Variants in TRMT13 observed in about 807,000 individuals in gnomAD.
TRMT13 encodes the protein tRNA methyltransferase 13.
Under a neutral mutation model 55.9 loss-of-function variants are expected in TRMT13, and 45 were observed. That is an observed-to-expected ratio of 0.80 (90% CI 0.63 to 1.03). The LOEUF (loss-of-function observed/expected upper bound fraction) is 1.03. TRMT13 is among the 50% of genes least tolerant of loss of function. The pLI is 0.00. For missense variants in TRMT13, 513 were observed against 563.9 expected (o/e 0.91, Z 0.91); for synonymous variants, 183 against 196.3 (o/e 0.93, Z 0.57).
chr1:100,140,457 C>T lies in TRMT13; in HGVS notation c.444C>T (p.His148=), dbSNP rs370753617. 1.6e-5 allele frequency: 26 copies of T among 1,613,898 alleles called. No individual in the cohort carries two copies. The African/African-American group carries it at 2.0e-4, about 12-fold the overall frequency. ...KDHIMSHPAL[H]DALNDPKNGD... is the part of the protein sequence containing the mutation. ...ATATTATGTCCCATCCAGCATTACACGATGCACTTAATGACCCTAAAAATG... is the reference window on the plus strand; with the variant it reads ...ATATTATGTCCCATCCAGCATTACATGATGCACTTAATGACCCTAAAAATG... Residue 148 remains histidine, a synonymous_variant, in exon 6 of 11, where the codon CAC becomes CAT. Transcript: ENST00000370141.
At chr1:100,140,096 C>A (rs1055100234) in intron 4 of TRMT13, 86 bp from the exon 5 acceptor site, 1 of 823,282 alleles carries the variant, frequency 1.2e-6, no homozygotes, top group Non-Finnish European at 1.9e-6. Flanking sequence ...TGGGATTTGC[C>A]CAGTTGGTAA....
At chr1:100,134,715 C>G (rs979603126) in intron 1 of TRMT13, among the ~76,000 whole-genome samples, 5 of 152,162 alleles carry the variant, frequency 3.3e-5, no homozygotes, top group South Asian at 2.1e-4. Context: ...TAGACTCCAC[C>G]TTATCCAGAT....
chr1:100,144,022 A>G (rs754046190), intron 8 of TRMT13, 47 bp from the exon 9 acceptor site: 24 of 1,493,914 alleles, frequency 1.6e-5, no homozygotes, highest in Middle Eastern at 1.7e-4. Flanking sequence ...GGCCACATTA[A>G]TATGTACTTT....
At chr1:100,137,636 G>A (rs1407272675) in intron 3 of TRMT13, among the ~76,000 whole-genome samples, 1 of 152,054 alleles carries the variant, frequency 6.6e-6, no homozygotes, top group Non-Finnish European at 1.5e-5. Flanking sequence ...GTCTTCCAAG[G>A]GTGCTTGGTA....
rs768102867 is a variant in TRMT13, at chr1:100,147,953, G to T, written c.877G>T (p.Glu293Ter). The T allele has an allele frequency of 6.2e-7, 1 of 1,612,968 alleles. No homozygotes were observed. Among genetic ancestry groups the T allele is most frequent in the South Asian group, 1.1e-5 (1 of 90,920 alleles). Residue 293 changes from glutamate (E) to a stop codon, truncating the protein, a stop_gained, in exon 10 of 11, where the codon GAA becomes TAA. Coordinates refer to ENST00000370141, the MANE Select transcript of TRMT13 (RefSeq NM_019083.3). LOFTEE classifies it high-confidence loss of function. ...TGCCAGTTTTGAGGAAAGGAATGAAGAACCTTTAGCCAAACGCATAAAGAA... is the reference window on the plus strand; with the variant it reads ...TGCCAGTTTTGAGGAAAGGAATGAATAACCTTTAGCCAAACGCATAAAGAA... Reference protein sequence around the residue: ...YAASFEERNEEPLAKRIKNDK... With the variant: ...YAASFEERNE
intron 4 of TRMT13, 22 bp from the exon 5 acceptor site, chr1:100,140,160 T>C: frequency 6.4e-7 from 1 of 1,561,616 alleles, no homozygotes; most frequent in East Asian, 2.3e-5. Flanking sequence ...GCTACATTAT[T>C]TAGTTTTATT....
At chr1:100,147,415 C>T (rs1657405313) in intron 9 of TRMT13, among the ~76,000 whole-genome samples, 1 of 152,204 alleles carries the variant, frequency 6.6e-6, no homozygotes, top group African/African-American at 2.4e-5. Flanking sequence ...CAGTTCATCA[C>T]TATTTGCTAT....
chr1:100,145,118 T>C (rs1657075212), intron 9 of TRMT13, among the ~76,000 whole-genome samples: 1 of 152,230 alleles, frequency 6.6e-6, no homozygotes, highest in Admixed American at 6.5e-5. Flanking sequence ...AGTAACATGC[T>C]GTACAGGTTT....
At chr1:100,135,909 CTATGTTTAGA>C (rs1035248492) in intron 1 of TRMT13, among the ~76,000 whole-genome samples, 7 of 152,030 alleles carry the variant, frequency 4.6e-5, no homozygotes, top group African/African-American at 1.7e-4. Flanking sequence ...TGTACCTTTT[CTATGTTTAGA>C]TATGTTTAGA....
rs1000523331 is a variant in TRMT13 at position 100,149,219 on chromosome 1, T to C, written c.*399T>C. 26 of 1,494,456 alleles carry C rather than the reference T, an allele frequency of 1.7e-5. No individual in the cohort carries two copies. The highest frequency in any genetic ancestry group is 2.3e-5 in the Non-Finnish European group (26 of 1,128,026). 92.6% of individuals were successfully genotyped at this position (1,494,456 alleles called of 1,614,324 possible). ...ATTTCTTAAGTTCAAGAGGTAGTGA[T>C]TGATTGTAACAAGGGCCAATCTGAG... On this transcript the variant is annotated 3_prime_UTR_variant, in exon 11 of 11. Transcript: ENST00000370141.
At chr1:100,136,558 T>C (rs1297294360) in intron 1 of TRMT13, among the ~76,000 whole-genome samples, 1 of 152,220 alleles carries the variant, frequency 6.6e-6, no homozygotes, top group South Asian at 2.1e-4. Context: ...TTTTTTTCTT[T>C]CTTGGTTGTG....
At chr1:100,137,145 G>A in intron 3 of TRMT13, 60 bp downstream of exon 3, 1 of 1,358,432 alleles carries the variant, frequency 7.4e-7, no homozygotes, top group Non-Finnish European at 1.0e-6. Flanking sequence ...CTTGGTAGAT[G>A]CTGCACATGG....
In TRMT13 at chr1:100,140,997, A is replaced by C; in HGVS notation, c.647A>C (p.Glu216Ala). 6.2e-7 allele frequency: 1 copy of C among 1,611,560 alleles called. No individual in the cohort carries two copies. The highest frequency in any genetic ancestry group is 8.5e-7 in the Non-Finnish European group (1 of 1,178,534). ...GAAAAAGTTCACTTCATCCTAGTGG[A>C]AAAGGTGACCACAAGATTCAAGGTA... ...DAEKVHFILV[E>A]KVTTRFKVDG... The change falls in exon 7 of 11, where the codon GAA (glutamate) becomes GCA (alanine). Residue 216 changes from glutamate (E) to alanine (A), a missense_variant. Physicochemically the swap from Glu to Ala is moderately radical, Grantham distance 107 (BLOSUM62 -1). This residue lies in a region of TRMT13 where 298 missense variants were observed against 290.3 expected (regional missense o/e 1.03). Transcript: ENST00000370141.
chr1:100,133,387 C>G, intron 1 of TRMT13, 72 bp downstream of exon 1: 1 of 1,514,672 alleles, frequency 6.6e-7, no homozygotes, highest in East Asian at 2.4e-5. Flanking sequence ...GAACCCGGCC[C>G]CTCCCCTCTT....
chr1:100,144,025 T>G (rs529153995), intron 8 of TRMT13, 44 bp from the exon 9 acceptor site: 1 of 1,504,212 alleles, frequency 6.6e-7, no homozygotes, highest in African/African-American at 1.4e-5. Flanking sequence ...CACATTAATA[T>G]GTACTTTATT....
At chr1:100,140,341 A>T in intron 5 of TRMT13, 67 bp from the exon 6 acceptor site, 2 of 1,550,944 alleles carry the variant, frequency 1.3e-6, no homozygotes, top group East Asian at 4.5e-5. Context: ...ATATGTTACT[A>T]CTATTGTTCA....
Position 100,140,602 on chromosome 1 carries a change from T to C in TRMT13, c.501+88T>C, listed in dbSNP as rs1443953957. ...ATGTAATTATTAATAAGATTTTATT[T>C]TGTTTACCTTTGAGGGTACCAAATA... On this transcript the variant is annotated intron_variant, in intron 6 of 10. Coordinates refer to ENST00000370141, the MANE Select transcript of TRMT13 (RefSeq NM_019083.3). 2.7e-6 allele frequency: 3 copies of C among 1,091,552 alleles called. No individual in the cohort carries two copies. The South Asian group carries it at 4.3e-5, about 16-fold the overall frequency. 67.6% of individuals were successfully genotyped at this position (1,091,552 alleles called of 1,614,324 possible).
intron 10 of TRMT13, 45 bp from the exon 11 acceptor site, chr1:100,148,578 CTT>C (rs1657596618): frequency 6.5e-7 from 1 of 1,547,506 alleles, no homozygotes; most frequent in African/African-American, 1.4e-5. Context: ...TTTTTATAAA[CTT>C]TTGCAAAATT....
At chr1:100,143,390 G>A (rs761719575) in intron 8 of TRMT13, among the ~76,000 whole-genome samples, 181 bp downstream of exon 8, 15 of 152,146 alleles carry the variant, frequency 9.9e-5, no homozygotes, top group Non-Finnish European at 1.5e-4. Context: ...TTAAGGTTGA[G>A]AATTTTAAAA....
Sources: gnomAD v4.1 joint callset for allele counts (sites outside exome capture counted in the v4.1 genomes callset) on GRCh38, gnomAD v4.1.1 for gene constraint, gnomAD v4.1.1 regional missense constraint, MANE v1.5 for transcripts, NCBI Gene and HGNC (gene_info 2026-07-23, HGNC 2026-07-21) for gene names.